Variants in KCNIP4 observed in about 807,000 individuals in gnomAD.
KCNIP4 encodes the protein Kv channel-interacting protein 4.
Under a neutral mutation model 34.0 loss-of-function variants are expected in KCNIP4, and 12 were observed. That is an observed-to-expected ratio of 0.35 (90% confidence interval 0.23 to 0.57). The LOEUF (loss-of-function observed/expected upper bound fraction) is 0.57, where lower values mean the gene tolerates loss of function less well. Among genes scored for constraint, KCNIP4 ranks in the 20% least tolerant of loss-of-function variants. The pLI, the probability that KCNIP4 is intolerant of heterozygous loss-of-function variation, is 0.83. For synonymous variants in KCNIP4, 124 were observed against 102.2 expected, an observed-to-expected ratio of 1.21 and a Z score of -1.29; for missense variants, 238 against 311.7, an observed-to-expected ratio of 0.76 and a Z score of 1.78.
At chr4:21,176,569 A>G (rs932055729) in intron 1 of KCNIP4, among the ~76,000 whole-genome samples, 2 of 152,126 alleles carry the variant, frequency 1.3e-5, no homozygotes, top group African/African-American at 2.4e-5. Context: ...CCCAGGCTAG[A>G]TAGAGTGCAA....
chr4:21,810,582 C>T (rs1344060276), intron 1 of KCNIP4, among the ~76,000 whole-genome samples: 1 of 151,184 alleles, frequency 6.6e-6, no homozygotes, highest in Non-Finnish European at 1.5e-5. Context: ...CCCAGCTACT[C>T]AGGAGGCTGA....
intron 1 of KCNIP4, among the ~76,000 whole-genome samples, chr4:21,769,079 G>A (rs1718609243): frequency 6.6e-6 from 1 of 151,608 alleles, no homozygotes; most frequent in Non-Finnish European, 1.5e-5. Flanking sequence ...CCTTTGACAT[G>A]TACAGACAAG....
At chr4:21,795,798 T>C (rs187981500) in intron 1 of KCNIP4, among the ~76,000 whole-genome samples, 164 of 152,330 alleles carry the variant, frequency 1.1e-3, no homozygotes, top group African/African-American at 3.7e-3. Flanking sequence ...CCGGGTGTGG[T>C]GGCTCACGCC....
chr4:21,485,906 G>T (rs939895802), intron 1 of KCNIP4, among the ~76,000 whole-genome samples: 1 of 152,140 alleles, frequency 6.6e-6, no homozygotes, highest in African/African-American at 2.4e-5. Context: ...GGAAAGCCTG[G>T]TTCAGGCCCA....
intron 1 of KCNIP4, chr4:21,762,947 TCC>T: frequency 7.8e-7 from 1 of 1,288,806 alleles, no homozygotes; most frequent in Non-Finnish European, 1.0e-6. Flanking sequence ...TGCTCCCACT[TCC>T]GAAGTCTCCC....
intron 1 of KCNIP4, among the ~76,000 whole-genome samples, chr4:21,670,053 ATTTG>A (rs1009663094): frequency 2.6e-5 from 4 of 152,194 alleles, no homozygotes; most frequent in African/African-American, 9.7e-5. Flanking sequence ...ATTCAGGAAT[ATTTG>A]TTAGTTTTTT....
intron 3 of KCNIP4, among the ~76,000 whole-genome samples, chr4:20,811,570 A>G (rs1447033832): frequency 1.3e-5 from 2 of 152,262 alleles, no homozygotes; most frequent in East Asian, 3.9e-4. Context: ...TTCAAGTTAA[A>G]AATGGGTTTG....
chr4:21,092,712 G>A (rs73802467), intron 1 of KCNIP4, among the ~76,000 whole-genome samples: 25,581 of 152,110 alleles, frequency 0.17, 2,236 homozygotes, highest in East Asian at 0.24. Flanking sequence ...CCAGATGAGG[G>A]GCAGGGAGCA....
At chr4:21,681,242 G>A (rs901787410) in intron 1 of KCNIP4, among the ~76,000 whole-genome samples, 1 of 151,488 alleles carries the variant, frequency 6.6e-6, no homozygotes, top group East Asian at 1.9e-4. Flanking sequence ...CTGGGACAAC[G>A]TGCGTGCACC....
chr4:21,297,104 A>G (rs1444347803), intron 1 of KCNIP4, among the ~76,000 whole-genome samples: 41 of 136,312 alleles, frequency 3.0e-4, no homozygotes, highest in East Asian at 9.6e-4. Flanking sequence ...AAATATGTGT[A>G]TATATATATA....
chr4:21,883,556 T>C (rs551055995), intron 1 of KCNIP4, among the ~76,000 whole-genome samples: 1 of 152,178 alleles, frequency 6.6e-6, no homozygotes, highest in African/African-American at 2.4e-5. Context: ...TGATGAACCA[T>C]TGCTCCTGTG....
At chr4:21,270,639 T>C (rs1762083249) in intron 1 of KCNIP4, among the ~76,000 whole-genome samples, 1 of 152,142 alleles carries the variant, frequency 6.6e-6, no homozygotes, top group Non-Finnish European at 1.5e-5. Context: ...ATATTTGCTA[T>C]TAGCTCATTC....
chr4:21,075,315 G>C lies in KCNIP4; in HGVS notation c.62-192606C>G, dbSNP rs551730269. 3.3e-5 allele frequency among the ~76,000 whole-genome samples: 5 copies of C among 152,138 alleles called. No homozygotes were observed. In the South Asian group the frequency reaches 1.0e-3, roughly 32 times the overall value. On this transcript the variant is annotated intron_variant, in intron 1 of 8. Coordinates refer to ENST00000382152, the MANE Select transcript of KCNIP4 (RefSeq NM_025221.6). ...TCTAAGGACTTGCTTTATGAATCTG[G>C]GTGCTCTTGTATTGGGTGCATATAT...
intron 8 of KCNIP4, among the ~76,000 whole-genome samples, chr4:20,730,915 A>G (rs1747970186): frequency 6.6e-6 from 1 of 152,180 alleles, no homozygotes; most frequent in Non-Finnish European, 1.5e-5. Flanking sequence ...ATCACCGTCA[A>G]GCAGCTTAAT....
intron 1 of KCNIP4, among the ~76,000 whole-genome samples, chr4:21,225,863 A>G (rs983786165): frequency 6.6e-6 from 1 of 152,188 alleles, no homozygotes. Flanking sequence ...GCTTAATGCC[A>G]GGAAGGCCCA....
intron 1 of KCNIP4, among the ~76,000 whole-genome samples, chr4:21,782,629 T>C (rs987583352): frequency 3.3e-5 from 5 of 152,126 alleles, no homozygotes; most frequent in African/African-American, 1.2e-4. Flanking sequence ...GCCCAGGAGG[T>C]TGAGGCCGCA....
intron 1 of KCNIP4, among the ~76,000 whole-genome samples, chr4:21,726,105 T>G (rs1715172849): frequency 6.6e-6 from 1 of 152,202 alleles, no homozygotes; most frequent in Non-Finnish European, 1.5e-5. Flanking sequence ...AGTCTAAGGA[T>G]AGCAATATTG....
chr4:21,224,135 C>T (rs1044825095), intron 1 of KCNIP4, among the ~76,000 whole-genome samples: 2 of 152,152 alleles, frequency 1.3e-5, no homozygotes, highest in Admixed American at 6.6e-5. Context: ...CAAGATGATG[C>T]TTTGTGTTGT....
At chr4:21,323,855 G>A (rs977244697) in intron 1 of KCNIP4, among the ~76,000 whole-genome samples, 3 of 151,852 alleles carry the variant, frequency 2.0e-5, no homozygotes, top group South Asian at 2.1e-4. Context: ...ACTAATTTAC[G>A]TTCCTACCAA....
Sources: gnomAD v4.1 joint callset for allele counts (sites outside exome capture counted in the v4.1 genomes callset) on GRCh38, gnomAD v4.1.1 for gene constraint, MANE v1.5 for transcripts, NCBI Gene and HGNC (gene_info 2026-07-23, HGNC 2026-07-21) for gene names.